Variants in AUTS2 observed in about 807,000 individuals in gnomAD.
The protein encoded by AUTS2 is autism susceptibility gene 2 protein.
In AUTS2, 17 loss-of-function variants were observed where a neutral mutation model predicts 112.4. That is an observed-to-expected ratio of 0.15 (90% confidence interval 0.10 to 0.23). AUTS2 has a LOEUF of 0.23. Among genes scored for constraint, AUTS2 ranks in the 10% least tolerant of loss-of-function variants. The pLI, the probability that AUTS2 is intolerant of heterozygous loss-of-function variation, is 1.00. For synonymous variants in AUTS2, 751 were observed against 702.7 expected (o/e 1.07, Z -1.09); for missense variants, 1,510 against 1,701.6 (o/e 0.89, Z 1.98).
chr7:69,973,735 T>G (rs886604150), intron 2 of AUTS2, among the ~76,000 whole-genome samples: 6 of 152,170 alleles, frequency 3.9e-5, no homozygotes, highest in Non-Finnish European at 1.5e-5. Context: ...GTAGAGTACA[T>G]TGCTTGATTT....
At chr7:70,311,411 C>CA (rs1329863771) in intron 4 of AUTS2, among the ~76,000 whole-genome samples, 1 of 152,054 alleles carries the variant, frequency 6.6e-6, no homozygotes, top group Non-Finnish European at 1.5e-5. Flanking sequence ...TCATTATTGC[C>CA]AAAAAACATT....
intron 3 of AUTS2, chr7:70,119,984 A>G (rs1322782861): frequency 6.6e-6 from 1 of 152,172 alleles, no homozygotes; most frequent in Admixed American, 6.5e-5. Context: ...CAGTTTAACG[A>G]GCGGGGAATA....
At chr7:70,249,860 T>TAATATTTTAAGTAA (rs986394641) in intron 4 of AUTS2, among the ~76,000 whole-genome samples, 1 of 151,006 alleles carries the variant, frequency 6.6e-6, no homozygotes, top group Admixed American at 6.6e-5. Context: ...AGTAAAATAT[T>TAATATTTTAAGTAA]AATATTTTAA....
At position 69,868,531 on chromosome 7, in the gene AUTS2, G is replaced by A. The variant is rs188500195; in HGVS notation, c.310-30755G>A. ...CTCTGTCACCCAGGTTATATGTGGAGTACAAACTAATTATGAAGCTAAATC... is the reference window on the plus strand; with the variant it reads ...CTCTGTCACCCAGGTTATATGTGGAATACAAACTAATTATGAAGCTAAATC... On this transcript the variant is annotated intron_variant, in intron 1 of 18. Transcript: ENST00000342771. 1.1e-4 allele frequency among the ~76,000 whole-genome samples: 16 copies of A among 152,240 alleles called. No individual in the cohort carries two copies. The East Asian group carries it at 2.5e-3, about 24-fold the overall frequency.
intron 1 of AUTS2, among the ~76,000 whole-genome samples, chr7:69,823,212 C>T (rs527518323): frequency 2.0e-5 from 3 of 152,134 alleles, no homozygotes; most frequent in Non-Finnish European, 4.4e-5. Flanking sequence ...ATAACTTAGG[C>T]GTGATGTGCT....
chr7:69,978,748 AAGTGGGAGGATCTC>A (rs1167553596), intron 2 of AUTS2, among the ~76,000 whole-genome samples: 1 of 151,950 alleles, frequency 6.6e-6, no homozygotes, highest in Non-Finnish European at 1.5e-5. Flanking sequence ...TGGGAGGCTA[AAGTGGGAGGATCTC>A]ATGAGCTCAG....
At chr7:70,018,211 T>A (rs954852849) in intron 2 of AUTS2, among the ~76,000 whole-genome samples, 1 of 150,446 alleles carries the variant, frequency 6.6e-6, no homozygotes, top group Admixed American at 6.6e-5. Context: ...GTAGGACTCT[T>A]TTTTTTTTAA....
At chr7:70,655,440 T>G (rs1806719217) in intron 5 of AUTS2, among the ~76,000 whole-genome samples, 2 of 152,266 alleles carry the variant, frequency 1.3e-5, no homozygotes, top group South Asian at 4.1e-4. Context: ...CTTCCTATGC[T>G]GCCATCTCAG....
chr7:69,735,152 G>T (rs1010279338), intron 1 of AUTS2, among the ~76,000 whole-genome samples: 2 of 152,094 alleles, frequency 1.3e-5, no homozygotes, highest in Non-Finnish European at 2.9e-5. Flanking sequence ...TAAACAGAGC[G>T]TTTTTTCATA....
intron 1 of AUTS2, among the ~76,000 whole-genome samples, chr7:69,678,914 G>T (rs1796683392): frequency 1.3e-5 from 2 of 152,208 alleles, no homozygotes. Flanking sequence ...CGATAATGCT[G>T]CACGTTTTGC....
chr7:70,600,702 C>T (rs1006012559), intron 5 of AUTS2, among the ~76,000 whole-genome samples: 1 of 152,202 alleles, frequency 6.6e-6, no homozygotes, highest in African/African-American at 2.4e-5. Context: ...TCTCTGCACC[C>T]CCTCCCAAAG....
intron 1 of AUTS2, among the ~76,000 whole-genome samples, chr7:69,850,014 G>C (rs935778879): frequency 6.6e-6 from 1 of 152,046 alleles, no homozygotes; most frequent in Non-Finnish European, 1.5e-5. Context: ...GTCAGACTTG[G>C]CTGGGCGCGG....
intron 4 of AUTS2, among the ~76,000 whole-genome samples, chr7:70,344,290 A>T (rs1303568075): frequency 6.6e-6 from 1 of 152,170 alleles, no homozygotes; most frequent in African/African-American, 2.4e-5. Flanking sequence ...AAGAGAACCT[A>T]GGGCAGAAAA....
At chr7:69,614,397 C>A (rs1793251877) in intron 1 of AUTS2, among the ~76,000 whole-genome samples, 1 of 50,190 alleles carries the variant, frequency 2.0e-5, no homozygotes, top group Non-Finnish European at 4.4e-5. Context: ...ACTCTGTTTC[C>A]CAGGCTGGAG....
At chr7:70,446,805 C>G (rs957447454) in intron 5 of AUTS2, among the ~76,000 whole-genome samples, 1 of 152,146 alleles carries the variant, frequency 6.6e-6, no homozygotes, top group African/African-American at 2.4e-5. Context: ...AGAGGTGCTG[C>G]GGGCAGTGGC....
intron 5 of AUTS2, among the ~76,000 whole-genome samples, chr7:70,574,117 A>G (rs909771397): frequency 1.3e-5 from 2 of 152,112 alleles, no homozygotes; most frequent in African/African-American, 4.8e-5. Flanking sequence ...CCCTACCCCC[A>G]TAGCAGTTGG....
intron 1 of AUTS2, among the ~76,000 whole-genome samples, chr7:69,771,957 G>C (rs1223916048): frequency 2.0e-5 from 3 of 151,970 alleles, no homozygotes; most frequent in African/African-American, 7.3e-5. Context: ...GGTAATTTTT[G>C]TGTTTTTAGT....
At chr7:70,218,296 T>G (rs1356916731) in intron 4 of AUTS2, among the ~76,000 whole-genome samples, 1 of 152,216 alleles carries the variant, frequency 6.6e-6, no homozygotes, top group African/African-American at 2.4e-5. Context: ...TTTTTTCTTA[T>G]CTTAGAGATA....
Position 69,764,854 on chromosome 7 carries a change from C to T in AUTS2, c.310-134432C>T, listed in dbSNP as rs148952878. 5.9e-5 allele frequency among the ~76,000 whole-genome samples: 9 copies of T among 152,274 alleles called. No individual in the cohort carries two copies. The East Asian group carries it at 1.7e-3, about 29-fold the overall frequency. The stretch of plus-strand genomic sequence containing the variant: ...AATTAGCCCCTTGCATGCAAACTTG[C>T]TCAGTAAAGAAAAAGTTTTGGCCCT... On this transcript the variant is annotated intron_variant, in intron 1 of 18. Transcript: ENST00000342771.
Sources: gnomAD v4.1 joint callset for allele counts (sites outside exome capture counted in the v4.1 genomes callset) on GRCh38, gnomAD v4.1.1 for gene constraint, MANE v1.5 for transcripts, NCBI Gene and HGNC (gene_info 2026-07-23, HGNC 2026-07-21) for gene names.